Variants in CKAP5 observed in about 807,000 individuals in gnomAD.
CKAP5 encodes cytoskeleton-associated protein 5.
CKAP5 carries 27 observed loss-of-function variants against 232.8 expected under a neutral mutation model. That is an observed-to-expected ratio of 0.12 (90% CI 0.09 to 0.16). The LOEUF is 0.16. Among genes scored for constraint, CKAP5 ranks in the 10% least tolerant of loss-of-function variants. CKAP5 has a pLI of 1.00. For missense variants in CKAP5, 1,838 were observed against 2,424.7 expected, an observed-to-expected ratio of 0.76 and a Z score of 5.08; for synonymous variants, 785 against 841.1, an observed-to-expected ratio of 0.93 and a Z score of 1.16.
intron 27 of CKAP5, among the ~76,000 whole-genome samples, chr11:46,766,908 G>GA (rs1424683807): frequency 3.3e-5 from 5 of 152,222 alleles, no homozygotes; most frequent in African/African-American, 1.2e-4. Context: ...CAGACTAACC[G>GA]AAACATCTTC....
intron 19 of CKAP5, 23 bp from the exon 20 acceptor site, chr11:46,780,342 C>CTTT (rs1471532052): frequency 6.2e-7 from 1 of 1,613,502 alleles, no homozygotes; most frequent in Non-Finnish European, 8.5e-7. Flanking sequence ...AGAAAAATAA[C>CTTT]TTTTTAAATC....
At chr11:46,784,116 C>T (rs559685320) in intron 17 of CKAP5, among the ~76,000 whole-genome samples, 54 of 151,960 alleles carry the variant, frequency 3.6e-4, no homozygotes, top group Non-Finnish European at 2.5e-4. Context: ...CACCTGTAAT[C>T]CCAGCACTTT....
chr11:46,748,751 A>G (rs1268514725), intron 42 of CKAP5, among the ~76,000 whole-genome samples: 1 of 152,154 alleles, frequency 6.6e-6, no homozygotes, highest in Non-Finnish European at 1.5e-5. Context: ...CCCGAGCAAC[A>G]GAGCGAGACT....
At chr11:46,782,388 A>G (rs2065351578) in intron 18 of CKAP5, among the ~76,000 whole-genome samples, 1 of 152,224 alleles carries the variant, frequency 6.6e-6, no homozygotes, top group Admixed American at 6.5e-5. Context: ...TGTGTGTTAT[A>G]TCAAAGACTA....
At chr11:46,765,645 C>T (rs570173554) in intron 27 of CKAP5, among the ~76,000 whole-genome samples, 2 of 148,704 alleles carry the variant, frequency 1.3e-5, no homozygotes, top group African/African-American at 5.0e-5. Flanking sequence ...CACTCTGTCG[C>T]CCAGGCTGGA....
At chr11:46,774,938 G>C (rs904914995) in intron 24 of CKAP5, among the ~76,000 whole-genome samples, 1 of 152,054 alleles carries the variant, frequency 6.6e-6, no homozygotes, top group Non-Finnish European at 1.5e-5. Context: ...CAAAGACTTC[G>C]TGACTAAAAC....
chr11:46,817,457 C>A (rs1939429340), intron 3 of CKAP5, among the ~76,000 whole-genome samples: 1 of 152,108 alleles, frequency 6.6e-6, no homozygotes, highest in Non-Finnish European at 1.5e-5. Context: ...TACCGGGAAT[C>A]AGAAGAACTG....
intron 5 of CKAP5, among the ~76,000 whole-genome samples, chr11:46,810,774 AAG>A: frequency 6.6e-6 from 1 of 152,336 alleles, no homozygotes. Flanking sequence ...ACATCATCAG[AAG>A]AGTCTCCAAA....
chr11:46,783,784 C>T (rs1195928118), intron 17 of CKAP5, among the ~76,000 whole-genome samples: 2 of 151,916 alleles, frequency 1.3e-5, no homozygotes, highest in African/African-American at 2.4e-5. Flanking sequence ...CGGCTCACTG[C>T]CACGTCTGTC....
At chr11:46,757,447 C>T (rs900403362) in intron 35 of CKAP5, among the ~76,000 whole-genome samples, 1 of 151,522 alleles carries the variant, frequency 6.6e-6, no homozygotes, top group Non-Finnish European at 1.5e-5. Flanking sequence ...GAGCTGAAAT[C>T]GCCCCACTGC....
chr11:46,813,647 T>C (rs1939325057), intron 4 of CKAP5, among the ~76,000 whole-genome samples: 1 of 152,092 alleles, frequency 6.6e-6, no homozygotes, highest in Admixed American at 6.6e-5. Context: ...AGCTACCTAG[T>C]TAAACTATAG....
intron 27 of CKAP5, among the ~76,000 whole-genome samples, chr11:46,766,284 GA>G (rs1327080810): frequency 1.3e-5 from 2 of 152,110 alleles, no homozygotes; most frequent in African/African-American, 4.8e-5. Flanking sequence ...AAAAGATTGG[GA>G]AAAAAATTAT....
intron 24 of CKAP5, among the ~76,000 whole-genome samples, chr11:46,774,053 T>C (rs944124938): frequency 7.5e-4 from 114 of 152,292 alleles, no homozygotes; most frequent in African/African-American, 2.6e-3. Flanking sequence ...AATAAGGGTA[T>C]TGAAATAGGA....
chr11:46,757,807 C>G (rs558342450), intron 35 of CKAP5, among the ~76,000 whole-genome samples: 18 of 151,090 alleles, frequency 1.2e-4, no homozygotes, highest in Non-Finnish European at 1.5e-4. Flanking sequence ...AGGCTGGTCT[C>G]GAACTCCTGA....
chr11:46,744,115 G>A lies in CKAP5; in HGVS notation c.6007C>T (p.His2003Tyr). 3 of 1,614,156 alleles carry A rather than the reference G, an allele frequency of 1.9e-6. No homozygotes were observed. The highest frequency in any genetic ancestry group is 2.5e-6 in the Non-Finnish European group (3 of 1,180,042). The change falls in exon 44 of 44, where the codon CAC becomes TAC. Residue 2003 changes from histidine (H) to tyrosine (Y), a missense_variant. Coordinates refer to ENST00000529230, the MANE Select transcript of CKAP5 (RefSeq NM_001008938.4). ...GAGGAGGTCACAGTTCCTGAAGAGTGAGTCTGGTTAGAATCCAGGTCTGAA... is the reference window on the plus strand; with the variant it reads ...GAGGAGGTCACAGTTCCTGAAGAGTAAGTCTGGTTAGAATCCAGGTCTGAA... ...QHSDLDSNQT[H>Y]SSGTVTSSSS...
In CKAP5 at chr11:46,767,626, G is replaced by C; in HGVS notation, c.3360C>G (p.Pro1120=). The change falls in exon 27 of 44, where the codon CCC becomes CCG. Residue 1120 remains proline, a synonymous_variant. Coordinates refer to ENST00000529230, the MANE Select transcript of CKAP5 (RefSeq NM_001008938.4). ...CTTTGGCCTTTTTTGGATCAGGTTT[G>C]GGTTCTGTACTGCTGGAAATACAAT... ...AEDCISSSTE[P]KPDPKKAKAP... The C allele has an allele frequency of 2.5e-6, 4 of 1,612,566 alleles. No individual in the cohort carries two copies. Among genetic ancestry groups the C allele is most frequent in the Non-Finnish European group, 3.4e-6 (4 of 1,179,168 alleles).
chr11:46,811,207 T>C (rs749606618), intron 4 of CKAP5, 29 bp from the exon 5 acceptor site: 3 of 1,578,924 alleles, frequency 1.9e-6, no homozygotes, highest in East Asian at 4.5e-5. Context: ...GAAAAAACTG[T>C]CAACGTGCAA....
At chr11:46,813,403 T>C (rs556200476) in intron 4 of CKAP5, among the ~76,000 whole-genome samples, 5 of 152,236 alleles carry the variant, frequency 3.3e-5, no homozygotes, top group African/African-American at 9.6e-5. Flanking sequence ...CTGGCCTCCT[T>C]CTGTAAGAAA....
intron 16 of CKAP5, among the ~76,000 whole-genome samples, chr11:46,785,980 A>C (rs1008027617): frequency 6.6e-6 from 1 of 152,172 alleles, no homozygotes; most frequent in Admixed American, 6.5e-5. Flanking sequence ...AGGCATGTGA[A>C]AAAATAAAAA....
Sources: allele counts gnomAD v4.1 joint callset (sites outside exome capture counted in the v4.1 genomes callset), GRCh38; gene constraint gnomAD v4.1.1; transcripts MANE v1.5; gene names NCBI Gene and HGNC (gene_info 2026-07-23, HGNC 2026-07-21).